Variants in RBPJL observed in about 807,000 individuals in gnomAD.
RBPJL encodes the protein recombining binding protein suppressor of hairless-like protein.
A neutral mutation model predicts 57.6 loss-of-function variants in RBPJL; 50 were observed. The observed-to-expected ratio is 0.87, with a 90% CI of 0.69 to 1.10. RBPJL has a LOEUF of 1.10. Ranked by LOEUF, RBPJL falls within the 50% of genes least tolerant of loss-of-function variation. The pLI, the probability that RBPJL is intolerant of heterozygous loss-of-function variation, is 0.00. For missense variants in RBPJL, 684 were observed against 693.7 expected (o/e 0.99, Z 0.16); for synonymous variants, 303 against 294.4 (o/e 1.03, Z -0.30).
chr20:45,316,187 G>T lies in RBPJL; in HGVS notation c.1021G>T (p.Ala341Ser). The change falls in exon 10 of 12, where the codon GCC (alanine) becomes TCC (serine). Residue 341 changes from alanine to serine, a missense_variant and splice_region_variant. Transcript: ENST00000343694. Reference sequence around the variant, plus strand: ...CTCGTCCCCTTGGGTCTCCTCCCAGGCCTCTCCCTGCCCCAAGGAGGCGAA... The same window carrying T: ...CTCGTCCCCTTGGGTCTCCTCCCAGTCCTCTCCCTGCCCCAAGGAGGCGAA... ...LATEKVVQFQ[A>S]SPCPKEANRA... 1 of 1,613,120 alleles carries T rather than the reference G, an allele frequency of 6.2e-7. No homozygotes were observed. Among genetic ancestry groups the T allele is most frequent in the South Asian group, 1.1e-5 (1 of 91,072 alleles).
At chr20:45,312,098 G>C (rs1405341111) in intron 5 of RBPJL, 123 bp from the exon 6 acceptor site, 11 of 1,510,278 alleles carry the variant, frequency 7.3e-6, no homozygotes, top group African/African-American at 1.4e-5. Context: ...CCGAGCCTGA[G>C]AGCCTGGATG....
intron 2 of RBPJL, 146 bp from the exon 3 acceptor site, chr20:45,309,421 C>G: frequency 2.6e-6 from 2 of 764,846 alleles, no homozygotes; most frequent in Non-Finnish European, 3.9e-6. Flanking sequence ...CCTGACCCCA[C>G]AGGGGCAGGA....
chr20:45,307,043 C>A, intron 1 of RBPJL, 99 bp downstream of exon 1: 3 of 716,942 alleles, frequency 4.2e-6, no homozygotes, highest in Non-Finnish European at 5.6e-6. Context: ...GAAAACTAAG[C>A]CCCAAGGAGG....
At chr20:45,307,845 A>G (rs1473839734) in intron 1 of RBPJL, among the ~76,000 whole-genome samples, 1 of 152,186 alleles carries the variant, frequency 6.6e-6, no homozygotes, top group African/African-American at 2.4e-5. Flanking sequence ...TAATCCTTGC[A>G]TTAAAAAAAG....
intron 9 of RBPJL, among the ~76,000 whole-genome samples, chr20:45,314,811 G>A (rs553389776): frequency 8.1e-4 from 123 of 152,178 alleles, no homozygotes; most frequent in African/African-American, 2.4e-3. Flanking sequence ...AGCCAGGTGC[G>A]GTGGCTCATG....
Position 45,309,679 on chromosome 20 carries a change from G to A in RBPJL, c.244G>A (p.Gly82Arg), listed in dbSNP as rs767768517. ...TGCCAAGGTGGCCCAGAAATCATAC[G>A]GAAATGAGAAGCGGTAGGTGCCTCC... ...LHAKVAQKSY[G>R]NEKRFFCPPP... The change falls in exon 3 of 12, where the codon GGA becomes AGA. Residue 82 changes from glycine (G) to arginine (R), a missense_variant. By Grantham distance (125) the Gly-to-Arg change is moderately radical. Coordinates refer to ENST00000343694, the MANE Select transcript of RBPJL (RefSeq NM_014276.4). The A allele has an allele frequency of 8.1e-6, 13 of 1,613,590 alleles. No individual in the cohort carries two copies. Among genetic ancestry groups the A allele is most frequent in the East Asian group, 2.2e-5 (1 of 44,820 alleles).
At chr20:45,311,743 C>A in intron 4 of RBPJL, 84 bp downstream of exon 4, 1 of 1,559,098 alleles carries the variant, frequency 6.4e-7, no homozygotes, top group Non-Finnish European at 8.8e-7. Flanking sequence ...GGTTCGCAGG[C>A]GCAGTCTCCC....
At chr20:45,307,490 C>A (rs920107143) in intron 1 of RBPJL, among the ~76,000 whole-genome samples, 2 of 152,174 alleles carry the variant, frequency 1.3e-5, no homozygotes, top group Admixed American at 1.3e-4. Context: ...CAAGCTTGGG[C>A]CACAGGCAAA....
intron 2 of RBPJL, among the ~76,000 whole-genome samples, chr20:45,308,944 G>A (rs940296275): frequency 5.9e-5 from 9 of 152,148 alleles, no homozygotes; most frequent in African/African-American, 2.2e-4. Flanking sequence ...AGCCCACACA[G>A]CAACAGGCCA....
chr20:45,312,072 G>C (rs866115317), intron 5 of RBPJL, 118 bp downstream of exon 5: 35 of 1,445,632 alleles, frequency 2.4e-5, no homozygotes, highest in Non-Finnish European at 3.0e-5. Flanking sequence ...CGGGAGGCCG[G>C]GGTCCTGCCT....
At position 45,316,353 on chromosome 20, in the gene RBPJL, G is replaced by A; in HGVS notation, c.1176+11G>A. 6.2e-7 allele frequency: 1 copy of A among 1,612,882 alleles called. No homozygotes were observed. Among genetic ancestry groups the A allele is most frequent in the East Asian group, 2.2e-5 (1 of 44,810 alleles). On this transcript the variant is annotated intron_variant, in intron 10 of 11. Coordinates refer to ENST00000343694, the MANE Select transcript of RBPJL (RefSeq NM_014276.4). The stretch of plus-strand genomic sequence containing the variant: ...ATCAGCACCCTAGAGGTGAAGCCGG[G>A]CGCTAGGGGCGTTGGGCAGGGGGAC...
Position 45,314,025 on chromosome 20 carries a change from T to C in RBPJL, c.758-10T>C, listed in dbSNP as rs1234205737. 6.2e-7 allele frequency: 1 copy of C among 1,606,024 alleles called. No individual in the cohort carries two copies. The highest frequency in any genetic ancestry group is 1.7e-5 in the Admixed American group (1 of 59,972). On this transcript the variant is annotated splice_polypyrimidine_tract_variant and intron_variant, in intron 7 of 11. Coordinates refer to ENST00000343694, the MANE Select transcript of RBPJL (RefSeq NM_014276.4). ...TGAAAACCTTGTCCCTTGCTTTTTT[T>C]GTCCCCCAGCTGATGGGCACTCTGC... is the stretch of plus-strand genomic sequence containing the variant.
At chr20:45,314,314 C>A in intron 8 of RBPJL, 99 bp from the exon 9 acceptor site, 1 of 1,394,940 alleles carries the variant, frequency 7.2e-7, no homozygotes, top group Non-Finnish European at 1.0e-6. Context: ...TCTGCTAGTG[C>A]CTGTGTGGCT....
chr20:45,312,443 C>G (rs748921148), intron 6 of RBPJL, 48 bp downstream of exon 6: 19 of 1,579,580 alleles, frequency 1.2e-5, no homozygotes, highest in Middle Eastern at 2.1e-4. Context: ...GAGGTGCAAC[C>G]AAGCCCAGAA....
In RBPJL at chr20:45,311,602, C is replaced by G; in HGVS notation, c.271C>G (p.Pro91Ala). The change falls in exon 4 of 12, where the codon CCG becomes GCG. Residue 91 changes from proline (P) to alanine (A), a missense_variant. By Grantham distance (27) the Pro-to-Ala change is conservative. Transcript: ENST00000343694. Reference sequence around the variant, plus strand: ...TTATCTCCGCAGGTTCTTCTGCCCCCCGCCCTGTGTCTACCTCTCGGGGCC... The same window carrying G: ...TTATCTCCGCAGGTTCTTCTGCCCCGCGCCCTGTGTCTACCTCTCGGGGCC... ...YGNEKRFFCP[P>A]PCVYLSGPGW... 1 of 1,614,228 alleles carries G rather than the reference C, an allele frequency of 6.2e-7. No individual in the cohort carries two copies.
intron 3 of RBPJL, among the ~76,000 whole-genome samples, chr20:45,310,616 A>G (rs1263880479): frequency 1.3e-5 from 2 of 151,892 alleles, no homozygotes; most frequent in East Asian, 1.9e-4. Context: ...AAAAAAAAAA[A>G]GGGCAACAGA....
chr20:45,313,344 T>TCCTAACCCTCACCCTCAC, intron 6 of RBPJL, 124 bp from the exon 7 acceptor site: 1 of 635,698 alleles, frequency 1.6e-6, no homozygotes, highest in Non-Finnish European at 2.5e-6. Context: ...CTCACCCTAA[T>TCCTAACCCTCACCCTCAC]CCTAACCCTC....
At position 45,313,596 on chromosome 20, in the gene RBPJL, C is replaced by G. The variant is rs1265327575; in HGVS notation, c.748C>G (p.Leu250Val). ...TGCACGACAGTGGGCTGCCTTCACGCTCCACCTGGGTAATGACATCTGCAG... is the reference window on the plus strand; with the variant it reads ...TGCACGACAGTGGGCTGCCTTCACGGTCCACCTGGGTAATGACATCTGCAG... ...ASARQWAAFT[L>V]HLADGHSAQG... The change falls in exon 7 of 12, where the codon CTC (leucine) becomes GTC (valine). Residue 250 changes from leucine to valine, a missense_variant. Physicochemically the swap from Leu to Val is conservative, Grantham distance 32. Transcript: ENST00000343694. 6.2e-7 allele frequency: 1 copy of G among 1,608,946 alleles called. No individual in the cohort carries two copies. The highest frequency in any genetic ancestry group is 1.3e-5 in the African/African-American group (1 of 74,934).
intron 9 of RBPJL, 25 bp from the exon 10 acceptor site, chr20:45,316,162 C>G: frequency 6.2e-7 from 1 of 1,606,120 alleles, no homozygotes; most frequent in South Asian, 1.1e-5. Context: ...AAGCTTCGGC[C>G]TCGTCCCCTT....
Sources: allele counts gnomAD v4.1 joint callset (sites outside exome capture counted in the v4.1 genomes callset), GRCh38; gene constraint gnomAD v4.1.1; transcripts MANE v1.5; gene names NCBI Gene and HGNC (gene_info 2026-07-23, HGNC 2026-07-21).